Variants in RAD51AP1 observed in about 807,000 individuals in gnomAD.
RAD51AP1 encodes RAD51 associated protein 1.
RAD51AP1 carries 14 observed loss-of-function variants against 34.3 expected under a neutral mutation model. The observed-to-expected ratio is 0.41, with a 90% confidence interval of 0.27 to 0.64. RAD51AP1 has a LOEUF of 0.64. Among genes scored for constraint, RAD51AP1 ranks in the 30% least tolerant of loss-of-function variants. RAD51AP1 has a pLI of 0.33. For synonymous variants in RAD51AP1, 114 were observed against 129.8 expected, an observed-to-expected ratio of 0.88 and a Z score of 0.83; for missense variants, 348 against 386.9, an observed-to-expected ratio of 0.90 and a Z score of 0.84.
At position 4,559,147 on chromosome 12, in the gene RAD51AP1, C is replaced by T; in HGVS notation, c.*154C>T. On this transcript the variant is annotated 3_prime_UTR_variant, in exon 9 of 9. Coordinates refer to ENST00000352618, the MANE Select transcript of RAD51AP1 (RefSeq NM_006479.5). ...CCTCTAGCCATTTTATGATTATGTT[C>T]TCTGTAAAACTCTTCAAGACTTCAA... 1 of 833,548 alleles carries T rather than the reference C, an allele frequency of 1.2e-6. No individual in the cohort carries two copies. The highest frequency in any genetic ancestry group is 2.0e-5 in the South Asian group (1 of 49,094). The allele number at this position is 833,548 out of a possible 1,614,324, so 51.6% of individuals were successfully genotyped here.
chr12:4,539,357 A>G (rs1944436412), intron 1 of RAD51AP1, among the ~76,000 whole-genome samples: 1 of 152,236 alleles, frequency 6.6e-6, no homozygotes, highest in Admixed American at 6.5e-5. Flanking sequence ...CATACAGCCC[A>G]GTAAGTGGCA....
rs561442285 is a variant in RAD51AP1, at chr12:4,551,977, A to C, written c.557-1006A>C. Reference sequence around the variant, plus strand: ...TTTACATATAATATTTCTTATAGATAGGTAGATATTAGTATGTGGGGACAA... The same window carrying C: ...TTTACATATAATATTTCTTATAGATCGGTAGATATTAGTATGTGGGGACAA... On this transcript the variant is annotated intron_variant, in intron 6 of 8. Transcript: ENST00000352618. Among the ~76,000 whole-genome samples, 5 of 152,316 alleles carry C rather than the reference A, an allele frequency of 3.3e-5. No individual in the cohort carries two copies. The South Asian group carries it at 1.0e-3, about 32-fold the overall frequency.
At chr12:4,545,093 C>A in intron 3 of RAD51AP1, 2 of 334,682 alleles carry the variant, frequency 6.0e-6, no homozygotes, top group South Asian at 2.5e-5. Flanking sequence ...ACACAAAAAC[C>A]CATACATGAA....
At position 4,553,017 on chromosome 12, in the gene RAD51AP1, G is replaced by A. The variant is rs376060612; in HGVS notation, c.591G>A (p.Glu197=). 6.3e-7 allele frequency: 1 copy of A among 1,597,400 alleles called. No homozygotes were observed. Among genetic ancestry groups the A allele is most frequent in the Non-Finnish European group, 8.5e-7 (1 of 1,175,392 alleles). The change falls in exon 7 of 9, where the codon GAG becomes GAA. Residue 197 remains glutamate, a synonymous_variant. Coordinates refer to ENST00000352618, the MANE Select transcript of RAD51AP1 (RefSeq NM_006479.5). ...EDSEDDSDFC[E]SEDNDEDFSM... ...CTGAGGATGATTCTGATTTTTGTGA[G>A]AGTGAGGATAATGACGAAGACTTCT...
intron 3 of RAD51AP1, among the ~76,000 whole-genome samples, chr12:4,544,571 A>C (rs1051088305): frequency 1.3e-5 from 2 of 152,164 alleles, no homozygotes; most frequent in Admixed American, 1.3e-4. Flanking sequence ...ACCTCATGTC[A>C]TGCTCTTTTT....
In RAD51AP1 at chr12:4,544,221, A is replaced by G. The variant is rs184515218; in HGVS notation, c.209+317A>G. ...ACGAGACTACTTTGTTAAAAATGAC[A>G]TTAGATGACTTAAGATGATTAAGAC... On this transcript the variant is annotated intron_variant, in intron 3 of 8. Transcript: ENST00000352618. 5.8e-4 allele frequency among the ~76,000 whole-genome samples: 89 copies of G among 152,336 alleles called. 1 individual carries two copies. The highest frequency in any genetic ancestry group is 2.4e-3 in the Admixed American group (37 of 15,298).
At chr12:4,539,779 GA>G (rs2137234734) in intron 1 of RAD51AP1, among the ~76,000 whole-genome samples, 1 of 152,310 alleles carries the variant, frequency 6.6e-6, no homozygotes, top group African/African-American at 2.4e-5. Flanking sequence ...ATCGTAGGGG[GA>G]TTAGGCCAGA....
At chr12:4,539,031 C>A in intron 1 of RAD51AP1, 75 bp downstream of exon 1, 1 of 1,529,376 alleles carries the variant, frequency 6.5e-7, no homozygotes, top group South Asian at 1.1e-5. Flanking sequence ...GGGAAAGGAT[C>A]GAGTAAGACC....
intron 6 of RAD51AP1, among the ~76,000 whole-genome samples, chr12:4,549,664 T>C (rs1944532526): frequency 1.3e-5 from 2 of 152,170 alleles, no homozygotes; most frequent in South Asian, 4.1e-4. Flanking sequence ...AAGACACTCT[T>C]TGAGCGCCAA....
intron 5 of RAD51AP1, among the ~76,000 whole-genome samples, 191 bp downstream of exon 5, chr12:4,548,369 T>G (rs1321083292): frequency 1.3e-5 from 2 of 152,168 alleles, no homozygotes; most frequent in African/African-American, 4.8e-5. Flanking sequence ...CCCTGAAGGG[T>G]CATAACTACC....
At chr12:4,546,646 G>A (rs1944508479) in intron 4 of RAD51AP1, among the ~76,000 whole-genome samples, 1 of 152,076 alleles carries the variant, frequency 6.6e-6, no homozygotes, top group Admixed American at 6.6e-5. Flanking sequence ...TTGAGGGCAC[G>A]GACTGTGAGC....
At chr12:4,541,774 T>G (rs1201999685) in intron 1 of RAD51AP1, 110 bp from the exon 2 acceptor site, 1 of 328,320 alleles carries the variant, frequency 3.0e-6, no homozygotes, top group Non-Finnish European at 5.4e-6. Context: ...TCATTATTTA[T>G]TAATAAATGA....
chr12:4,551,642 C>G (rs544233829), intron 6 of RAD51AP1, among the ~76,000 whole-genome samples: 1 of 152,026 alleles, frequency 6.6e-6, no homozygotes, highest in Non-Finnish European at 1.5e-5. Context: ...AGATACTGCT[C>G]TATATTAAAA....
intron 7 of RAD51AP1, among the ~76,000 whole-genome samples, chr12:4,554,047 G>GTT (rs11435226): frequency 4.7e-5 from 7 of 149,444 alleles, no homozygotes; most frequent in South Asian, 2.1e-4. Flanking sequence ...TAATTAGAGT[G>GTT]TTTTTTTTTT....
chr12:4,548,056 T>C lies in RAD51AP1; in HGVS notation c.320-36T>C, dbSNP rs775297434. 3.8e-6 allele frequency: 6 copies of C among 1,559,074 alleles called. No individual in the cohort carries two copies. The African/African-American group carries it at 8.4e-5, about 22-fold the overall frequency. Reference sequence around the variant, plus strand: ...TCCTATATCTAGACATTGATTAAGATATATCTGAATTTTCTTTCTTATTCC... The same window carrying C: ...TCCTATATCTAGACATTGATTAAGACATATCTGAATTTTCTTTCTTATTCC... On this transcript the variant is annotated intron_variant, in intron 4 of 8. Transcript: ENST00000352618.
At chr12:4,553,358 T>C in intron 7 of RAD51AP1, 2 of 303,432 alleles carry the variant, frequency 6.6e-6, no homozygotes, top group Non-Finnish European at 1.2e-5. Flanking sequence ...GTATATGACC[T>C]CACTTTGGTA....
intron 8 of RAD51AP1, among the ~76,000 whole-genome samples, chr12:4,558,063 T>C (rs1412021832): frequency 6.6e-6 from 1 of 151,912 alleles, no homozygotes; most frequent in Non-Finnish European, 1.5e-5. Flanking sequence ...GTTTGTTACC[T>C]ATCTTATACA....
At chr12:4,556,574 ACAT>A in intron 8 of RAD51AP1, 72 bp downstream of exon 8, 2 of 1,529,808 alleles carry the variant, frequency 1.3e-6, no homozygotes, top group Non-Finnish European at 1.8e-6. Flanking sequence ...CTAGTTACAA[ACAT>A]CATGTGTGAG....
At chr12:4,558,174 T>C (rs1159168699) in intron 8 of RAD51AP1, among the ~76,000 whole-genome samples, 1 of 150,694 alleles carries the variant, frequency 6.6e-6, no homozygotes. Flanking sequence ...ATATGAAGAG[T>C]TTCAGTCTCA....
Sources: allele counts gnomAD v4.1 joint callset (sites outside exome capture counted in the v4.1 genomes callset), GRCh38; gene constraint gnomAD v4.1.1; transcripts MANE v1.5; gene names NCBI Gene and HGNC (gene_info 2026-07-23, HGNC 2026-07-21).